The following TRAPPC9 variants were observed in gnomAD, a reference collection of about 807,000 sequenced individuals.
The protein encoded by TRAPPC9 is IKK2 binding protein.
In TRAPPC9, 83 loss-of-function variants were observed where a neutral mutation model predicts 124.0. The ratio of observed to expected loss-of-function variants is 0.67; its 90% CI spans 0.56 to 0.80. The LOEUF is 0.80. Ranked by LOEUF, TRAPPC9 falls within the 30% of genes least tolerant of loss-of-function variation. The pLI is 0.00. For missense variants in TRAPPC9, 1,302 were observed against 1,508.3 expected (o/e 0.86, Z 2.27); for synonymous variants, 638 against 617.5 (o/e 1.03, Z -0.49).
chr8:140,166,738 G>A (rs1246300226), intron 17 of TRAPPC9, among the ~76,000 whole-genome samples: 1 of 152,218 alleles, frequency 6.6e-6, no homozygotes, highest in South Asian at 2.1e-4. Flanking sequence ...CTGGTTTCTA[G>A]ACACCTGCAC....
chr8:140,103,558 C>A (rs1285042639), intron 17 of TRAPPC9, among the ~76,000 whole-genome samples: 1 of 152,106 alleles, frequency 6.6e-6, no homozygotes, highest in East Asian at 1.9e-4. Flanking sequence ...CCTCCAACCG[C>A]AAAGAATTAT....
intron 7 of TRAPPC9, among the ~76,000 whole-genome samples, chr8:140,380,998 A>G (rs1750967290): frequency 6.6e-6 from 1 of 152,084 alleles, no homozygotes; most frequent in African/African-American, 2.4e-5. Context: ...TGAGGCGAGG[A>G]GTTCAATACC....
intron 19 of TRAPPC9, among the ~76,000 whole-genome samples, chr8:139,912,916 A>G (rs1429236516): frequency 6.6e-6 from 1 of 152,230 alleles, no homozygotes; most frequent in Non-Finnish European, 1.5e-5. Context: ...AAAGGTCAGA[A>G]TATTTCCTAA....
chr8:140,044,947 G>T (rs1031844735), intron 17 of TRAPPC9, among the ~76,000 whole-genome samples: 1 of 152,142 alleles, frequency 6.6e-6, no homozygotes, highest in African/African-American at 2.4e-5. Flanking sequence ...TTAAGCCAAA[G>T]GTAAACTAGG....
At chr8:139,972,982 C>T (rs79470198) in intron 19 of TRAPPC9, among the ~76,000 whole-genome samples, 5,394 of 152,182 alleles carry the variant, frequency 0.035, 329 homozygotes, top group African/African-American at 0.12. Context: ...TCAGAAGGGA[C>T]GACCACGTTC....
At chr8:139,909,224 C>T (rs926172812) in intron 20 of TRAPPC9, among the ~76,000 whole-genome samples, 4 of 152,204 alleles carry the variant, frequency 2.6e-5, no homozygotes, top group African/African-American at 9.7e-5. Context: ...ACATTCCCAT[C>T]AGAGCTGCCC....
chr8:139,978,004 C>G (rs13259689), intron 19 of TRAPPC9, among the ~76,000 whole-genome samples: 119,650 of 151,800 alleles, frequency 0.79, 47,707 homozygotes, highest in Middle Eastern at 0.93. Context: ...TTAATGAGGA[C>G]TAAAAAAAGA....
intron 17 of TRAPPC9, among the ~76,000 whole-genome samples, chr8:140,088,219 G>A (rs1270354691): frequency 6.6e-6 from 1 of 152,082 alleles, no homozygotes; most frequent in Non-Finnish European, 1.5e-5. Flanking sequence ...GCTCCGTGAT[G>A]GCAGGACTTT....
intron 18 of TRAPPC9, among the ~76,000 whole-genome samples, chr8:139,993,447 G>A (rs182071581): frequency 7.2e-5 from 11 of 152,250 alleles, no homozygotes; most frequent in South Asian, 2.1e-4. Flanking sequence ...CAGGAAATAC[G>A]GGAATTCCTG....
chr8:139,944,656 T>C (rs1834102859), intron 19 of TRAPPC9, among the ~76,000 whole-genome samples: 1 of 152,184 alleles, frequency 6.6e-6, no homozygotes, highest in Non-Finnish European at 1.5e-5. Flanking sequence ...ACATATATGT[T>C]ATATAGAATT....
At chr8:140,207,411 T>C (rs1374585135) in intron 17 of TRAPPC9, among the ~76,000 whole-genome samples, 2 of 152,252 alleles carry the variant, frequency 1.3e-5, no homozygotes, top group Non-Finnish European at 2.9e-5. Flanking sequence ...GTCACCTAAA[T>C]GTCCTTACCC....
In TRAPPC9 at chr8:140,122,208, T is replaced by A. The variant is rs544231837; in HGVS notation, c.2557-98129A>T. Among the ~76,000 whole-genome samples the A allele has an allele frequency of 3.9e-5, 6 of 152,258 alleles. No homozygotes were observed. The East Asian group carries it at 1.2e-3, about 29-fold the overall frequency. On this transcript the variant is annotated intron_variant, in intron 17 of 22. Transcript: ENST00000438773. ...CTAGAAACCAAAGCTCTCACTCCTA[T>A]GACTACAAATAACTGAATTCCACCA...
At chr8:140,155,482 C>A (rs945876521) in intron 17 of TRAPPC9, among the ~76,000 whole-genome samples, 1 of 152,194 alleles carries the variant, frequency 6.6e-6, no homozygotes, top group African/African-American at 2.4e-5. Flanking sequence ...ACACCTGTTA[C>A]ATGAAAGCCG....
intron 4 of TRAPPC9, among the ~76,000 whole-genome samples, chr8:140,427,284 C>T (rs1467686813): frequency 1.3e-5 from 2 of 151,900 alleles, no homozygotes; most frequent in Non-Finnish European, 2.9e-5. Flanking sequence ...AAATGTATGT[C>T]AGCAGCCTAG....
intron 15 of TRAPPC9, among the ~76,000 whole-genome samples, chr8:140,271,984 G>T (rs1364803176): frequency 2.9e-5 from 4 of 136,630 alleles, no homozygotes; most frequent in African/African-American, 1.2e-4. Flanking sequence ...CAGTAATGGT[G>T]GTGGTGGTGG....
At chr8:140,330,811 C>T (rs1183627205) in intron 9 of TRAPPC9, among the ~76,000 whole-genome samples, 1 of 152,176 alleles carries the variant, frequency 6.6e-6, no homozygotes, top group Non-Finnish European at 1.5e-5. Context: ...TACATTCAAA[C>T]TCAAAGCTTT....
At chr8:139,911,524 G>A (rs1831728576) in intron 19 of TRAPPC9, among the ~76,000 whole-genome samples, 2 of 151,998 alleles carry the variant, frequency 1.3e-5, no homozygotes, top group African/African-American at 4.8e-5. Flanking sequence ...GGCCAACATG[G>A]TGAAACCCTA....
chr8:140,447,495 A>G (rs1212826920), intron 2 of TRAPPC9, among the ~76,000 whole-genome samples: 1 of 152,176 alleles, frequency 6.6e-6, no homozygotes. Flanking sequence ...AAAGAAAAAG[A>G]AAAGAAAGAG....
chr8:139,983,765 G>A (rs879148906), intron 19 of TRAPPC9, among the ~76,000 whole-genome samples: 2 of 151,976 alleles, frequency 1.3e-5, no homozygotes, highest in Non-Finnish European at 2.9e-5. Context: ...TTTTGCCCCC[G>A]CCCCGGCCTC....
Sources: gnomAD v4.1 joint callset for allele counts (sites outside exome capture counted in the v4.1 genomes callset) on GRCh38, gnomAD v4.1.1 for gene constraint, MANE v1.5 for transcripts, NCBI Gene and HGNC (gene_info 2026-07-23, HGNC 2026-07-21) for gene names.